Variants in SGCZ observed in about 807,000 individuals in gnomAD.
SGCZ encodes the protein sarcoglycan zeta.
A neutral mutation model predicts 41.3 loss-of-function variants in SGCZ; 40 were observed. The observed-to-expected ratio is 0.97, with a 90% CI of 0.75 to 1.26. The LOEUF is 1.26. SGCZ is among the 50% of genes most tolerant of loss of function. The pLI, the probability that SGCZ is intolerant of heterozygous loss-of-function variation, is 0.00. For missense variants in SGCZ, 552 were observed against 369.8 expected (o/e 1.49, Z -4.04); for synonymous variants, 206 against 137.5 (o/e 1.50, Z -3.49).
chr8:14,901,734 C>T (rs574408075), intron 1 of SGCZ, among the ~76,000 whole-genome samples: 1 of 152,152 alleles, frequency 6.6e-6, no homozygotes, highest in East Asian at 1.9e-4. Flanking sequence ...TGTCAAGCAA[C>T]GTACATGACA....
At chr8:14,826,164 A>G (rs1802304083) in intron 1 of SGCZ, among the ~76,000 whole-genome samples, 1 of 140,250 alleles carries the variant, frequency 7.1e-6, no homozygotes. Context: ...ATTCCCACCT[A>G]TGAGTGAGAA....
chr8:14,315,125 T>C (rs1801672302), intron 3 of SGCZ, among the ~76,000 whole-genome samples: 2 of 152,160 alleles, frequency 1.3e-5, no homozygotes, highest in Non-Finnish European at 2.9e-5. Flanking sequence ...GTTTGAATTC[T>C]GGCTCACCTT....
chr8:14,558,614 A>AGAC (rs1214772308), intron 1 of SGCZ, among the ~76,000 whole-genome samples: 1 of 49,304 alleles, frequency 2.0e-5, no homozygotes. Context: ...GAGAGAGAGA[A>AGAC]TCTTCCATAA....
At chr8:14,991,388 T>C (rs888528432) in intron 1 of SGCZ, among the ~76,000 whole-genome samples, 1 of 152,196 alleles carries the variant, frequency 6.6e-6, no homozygotes, top group Non-Finnish European at 1.5e-5. Flanking sequence ...AGACTCTGCA[T>C]TGTAACAAAA....
intron 1 of SGCZ, among the ~76,000 whole-genome samples, chr8:15,136,838 C>A (rs1475286599): frequency 6.6e-6 from 1 of 152,056 alleles, no homozygotes; most frequent in African/African-American, 2.4e-5. Context: ...ACGCAATAAT[C>A]CAGTAAATTG....
intron 2 of SGCZ, among the ~76,000 whole-genome samples, chr8:14,391,655 T>A (rs10156368): frequency 0.35 from 53,443 of 151,962 alleles, 10,453 homozygotes; most frequent in African/African-American, 0.53. Context: ...AGAGAAAACA[T>A]TATTATGTGA....
rs34411963 is a variant in SGCZ at position 15,078,147 on chromosome 8, C to CTTTTT, written c.39+159433_39+159437dup. 9.2e-3 allele frequency among the ~76,000 whole-genome samples: 412 copies of CTTTTT among 44,810 alleles called. 53 individuals are homozygous for CTTTTT. The highest frequency in any genetic ancestry group is 0.031 in the East Asian group (32 of 1,022). 29.4% of individuals were successfully genotyped at this position (44,810 alleles called of 152,430 possible). A position where few individuals can be genotyped will look rare whatever the true frequency, so the allele number is the denominator to read the frequency against. On this transcript the variant is annotated intron_variant, in intron 1 of 7. Coordinates refer to ENST00000382080, the MANE Select transcript of SGCZ (RefSeq NM_139167.4). ...TGACAGCCTGTTGGCAGGAACTCTT[C>CTTTTT]TTTTTTTTTTTTTTTTTTTTTTTTT...
chr8:14,906,458 G>C (rs915739145), intron 1 of SGCZ, among the ~76,000 whole-genome samples: 1 of 152,110 alleles, frequency 6.6e-6, no homozygotes, highest in African/African-American at 2.4e-5. Context: ...CTCAACTTCT[G>C]TAGTGATATG....
intron 2 of SGCZ, among the ~76,000 whole-genome samples, chr8:14,388,789 T>C (rs996061342): frequency 1.3e-5 from 2 of 150,376 alleles, no homozygotes; most frequent in African/African-American, 4.9e-5. Flanking sequence ...GTAAAAAACC[T>C]GCATATGTAC....
chr8:15,120,385 T>C (rs2116949095), intron 1 of SGCZ, among the ~76,000 whole-genome samples: 1 of 152,320 alleles, frequency 6.6e-6, no homozygotes, highest in Non-Finnish European at 1.5e-5. Flanking sequence ...CCCCCAACAC[T>C]TAGAAATATA....
intron 2 of SGCZ, among the ~76,000 whole-genome samples, chr8:14,529,613 T>C (rs2117121395): frequency 6.6e-6 from 1 of 152,286 alleles, no homozygotes; most frequent in Non-Finnish European, 1.5e-5. Context: ...GGTTTTATGT[T>C]AATGTACCCA....
intron 1 of SGCZ, among the ~76,000 whole-genome samples, chr8:14,573,386 G>A (rs562579639): frequency 6.6e-6 from 1 of 151,552 alleles, no homozygotes; most frequent in African/African-American, 2.4e-5. Flanking sequence ...ATTTTTAGTA[G>A]AGACGGGGTT....
intron 1 of SGCZ, among the ~76,000 whole-genome samples, chr8:14,770,945 C>T (rs1321254622): frequency 6.6e-6 from 1 of 152,004 alleles, no homozygotes; most frequent in Non-Finnish European, 1.5e-5. Flanking sequence ...TAGAATTTGC[C>T]TGACAGATGA....
chr8:14,443,096 C>T (rs1198436377), intron 2 of SGCZ, among the ~76,000 whole-genome samples: 1 of 152,148 alleles, frequency 6.6e-6, no homozygotes, highest in Non-Finnish European at 1.5e-5. Context: ...AGGAATCCAA[C>T]TTACAAGGGA....
intron 3 of SGCZ, among the ~76,000 whole-genome samples, chr8:14,287,138 A>AT (rs11442540): frequency 0.72 from 108,715 of 151,330 alleles, 40,172 homozygotes; most frequent in Non-Finnish European, 0.8. Context: ...CACATACAGT[A>AT]TTTTTTAAAG....
intron 1 of SGCZ, among the ~76,000 whole-genome samples, chr8:14,587,241 T>C (rs1303188826): frequency 2.0e-5 from 3 of 151,934 alleles, no homozygotes; most frequent in African/African-American, 7.2e-5. Context: ...ACTTCTACTA[T>C]ATCTTAGTAG....
chr8:14,494,782 T>G lies in SGCZ; in HGVS notation c.234+59950A>C, dbSNP rs139761068. On this transcript the variant is annotated intron_variant, in intron 2 of 7. Coordinates refer to ENST00000382080, the MANE Select transcript of SGCZ (RefSeq NM_139167.4). ...AGGGAGGTAAATGGCTTTCAGATGG[T>G]TGTGTAGCTGGTTTTTGCAGTAGCC... is the stretch of plus-strand genomic sequence containing the variant. 5.4e-3 allele frequency among the ~76,000 whole-genome samples: 829 copies of G among 152,266 alleles called. 24 individuals carry two copies. Among genetic ancestry groups the G allele is most frequent in the Admixed American group, 0.045 (688 of 15,290 alleles).
At chr8:14,720,020 T>C (rs1189621723) in intron 1 of SGCZ, among the ~76,000 whole-genome samples, 1 of 152,048 alleles carries the variant, frequency 6.6e-6, no homozygotes, top group East Asian at 1.9e-4. Flanking sequence ...CCATCTTGAA[T>C]TAATTTTTGT....
chr8:14,101,992 G>T (rs1802036702), intron 7 of SGCZ, among the ~76,000 whole-genome samples: 1 of 151,206 alleles, frequency 6.6e-6, no homozygotes, highest in Non-Finnish European at 1.5e-5. Flanking sequence ...TCGTGAATGG[G>T]AGTGAATGGG....
Sources: gnomAD v4.1 joint callset for allele counts (sites outside exome capture counted in the v4.1 genomes callset) on GRCh38, gnomAD v4.1.1 for gene constraint, MANE v1.5 for transcripts, NCBI Gene and HGNC (gene_info 2026-07-23, HGNC 2026-07-21) for gene names.